The following DPP10 variants were observed in gnomAD, a reference collection of about 807,000 sequenced individuals.
DPP10 encodes inactive dipeptidyl peptidase 10.
DPP10 carries 33 observed loss-of-function variants against 120.9 expected under a neutral mutation model. That is an observed-to-expected ratio of 0.27 (90% CI 0.21 to 0.37). The LOEUF is 0.37. Among genes scored for constraint, DPP10 ranks in the 10% least tolerant of loss-of-function variants. DPP10 has a pLI of 1.00. For synonymous variants in DPP10, 337 were observed against 326.1 expected, an observed-to-expected ratio of 1.03 and a Z score of -0.36; for missense variants, 816 against 942.8, an observed-to-expected ratio of 0.87 and a Z score of 1.76.
At chr2:115,263,797 A>C (rs1379301821) in intron 1 of DPP10, among the ~76,000 whole-genome samples, 1 of 152,220 alleles carries the variant, frequency 6.6e-6, no homozygotes, top group East Asian at 1.9e-4. Flanking sequence ...CCTTATATAC[A>C]TGTTAGATAG....
At chr2:114,466,683 G>A (rs746400109) in intron 1 of DPP10, among the ~76,000 whole-genome samples, 2 of 152,156 alleles carry the variant, frequency 1.3e-5, no homozygotes, top group Non-Finnish European at 2.9e-5. Context: ...AAGCACCAGC[G>A]AATGTGAACC....
chr2:115,098,220 A>G (rs537643313), intron 1 of DPP10, among the ~76,000 whole-genome samples: 2 of 152,274 alleles, frequency 1.3e-5, no homozygotes, highest in South Asian at 4.2e-4. Flanking sequence ...CTTTCAGCCA[A>G]AAACACTCCC....
intron 1 of DPP10, among the ~76,000 whole-genome samples, chr2:115,143,211 T>C (rs1482078693): frequency 6.6e-6 from 1 of 152,140 alleles, no homozygotes; most frequent in Non-Finnish European, 1.5e-5. Flanking sequence ...CTGGCTGAAG[T>C]GGCCCTCGAT....
At chr2:114,629,602 C>A (rs1694769455) in intron 1 of DPP10, among the ~76,000 whole-genome samples, 3 of 152,114 alleles carry the variant, frequency 2.0e-5, no homozygotes, top group African/African-American at 7.2e-5. Flanking sequence ...CATTAAATCT[C>A]ATTTAATTGG....
chr2:114,842,394 T>C (rs1467855993), intron 1 of DPP10, among the ~76,000 whole-genome samples: 1 of 152,072 alleles, frequency 6.6e-6, no homozygotes, highest in African/African-American at 2.4e-5. Context: ...CATATCCTTT[T>C]GGATTTCTTA....
At chr2:115,396,659 G>A (rs1473871665) in intron 3 of DPP10, among the ~76,000 whole-genome samples, 1 of 152,172 alleles carries the variant, frequency 6.6e-6, no homozygotes, top group African/African-American at 2.4e-5. Flanking sequence ...AGCTCCCATT[G>A]TGTTAGCTTT....
At chr2:115,027,468 C>G (rs1014198868) in intron 1 of DPP10, among the ~76,000 whole-genome samples, 3 of 152,112 alleles carry the variant, frequency 2.0e-5, no homozygotes, top group African/African-American at 7.2e-5. Flanking sequence ...TCTCACTTGA[C>G]TTATTTCACC....
At chr2:115,044,185 T>C (rs1704883437) in intron 1 of DPP10, among the ~76,000 whole-genome samples, 1 of 152,068 alleles carries the variant, frequency 6.6e-6, no homozygotes. Context: ...AGAGCTGTAA[T>C]TGACTCACGC....
chr2:114,455,567 A>G (rs1399582257), intron 1 of DPP10, among the ~76,000 whole-genome samples: 1 of 151,984 alleles, frequency 6.6e-6, no homozygotes, highest in East Asian at 1.9e-4. Context: ...AAATGTAAAT[A>G]CAGCTGTAGT....
chr2:115,434,404 A>C (rs1012263820), intron 3 of DPP10, among the ~76,000 whole-genome samples: 6 of 151,978 alleles, frequency 3.9e-5, no homozygotes, highest in African/African-American at 1.4e-4. Flanking sequence ...ACTTGGATGA[A>C]TCAAATTGTT....
chr2:114,512,858 G>A (rs1406784801), intron 1 of DPP10, among the ~76,000 whole-genome samples: 2 of 152,190 alleles, frequency 1.3e-5, no homozygotes, highest in Non-Finnish European at 2.9e-5. Flanking sequence ...CGTTCCTGTT[G>A]AGGAATGCCT....
At chr2:114,928,829 T>C (rs1695836837) in intron 1 of DPP10, among the ~76,000 whole-genome samples, 1 of 152,124 alleles carries the variant, frequency 6.6e-6, no homozygotes, top group African/African-American at 2.4e-5. Flanking sequence ...TAGCACGAGG[T>C]GTATGCTTCC....
chr2:114,905,633 C>A (rs1242980039), intron 1 of DPP10, among the ~76,000 whole-genome samples: 1 of 152,124 alleles, frequency 6.6e-6, no homozygotes, highest in Non-Finnish European at 1.5e-5. Context: ...CTTCTCCCAC[C>A]CTGCACCCTC....
At position 115,780,349 on chromosome 2, in the gene DPP10, G is replaced by A. The variant is rs190882683; in HGVS notation, c.1362-525G>A. Among the ~76,000 whole-genome samples the A allele has an allele frequency of 4.0e-5, 6 of 151,890 alleles. No individual in the cohort carries two copies. The East Asian group carries it at 9.7e-4, about 24-fold the overall frequency. On this transcript the variant is annotated intron_variant, in intron 15 of 25. Transcript: ENST00000410059. ...TACAAATGTAACTTTTTTAAAATCA[G>A]TAATTTTTCTGCAAGTAAATGATGG...
At chr2:114,489,652 T>C (rs1681813669) in intron 1 of DPP10, among the ~76,000 whole-genome samples, 1 of 152,194 alleles carries the variant, frequency 6.6e-6, no homozygotes, top group South Asian at 2.1e-4. Flanking sequence ...ATTGTCTTTT[T>C]TTCCCTGGAG....
intron 2 of DPP10, 100 bp from the exon 3 acceptor site, chr2:115,343,717 G>A: frequency 1.4e-6 from 1 of 708,682 alleles, no homozygotes; most frequent in Non-Finnish European, 2.3e-6. Flanking sequence ...TTGTTATGTA[G>A]TTAATATATT....
intron 3 of DPP10, among the ~76,000 whole-genome samples, chr2:115,379,246 T>C (rs1337770469): frequency 1.3e-5 from 2 of 152,340 alleles, no homozygotes; most frequent in South Asian, 2.1e-4. Flanking sequence ...TATTGGTCTA[T>C]TCAGAGATTC....
At chr2:114,564,461 T>C (rs146020204) in intron 1 of DPP10, among the ~76,000 whole-genome samples, 1 of 152,168 alleles carries the variant, frequency 6.6e-6, no homozygotes, top group African/African-American at 2.4e-5. Flanking sequence ...CTTCCCCCTA[T>C]TTCATATTGA....
At chr2:114,994,740 T>A (rs1700968900) in intron 1 of DPP10, among the ~76,000 whole-genome samples, 1 of 152,118 alleles carries the variant, frequency 6.6e-6, no homozygotes. Context: ...TGCTCTTATC[T>A]CCCCTGGGAG....
Sources: allele counts gnomAD v4.1 joint callset (sites outside exome capture counted in the v4.1 genomes callset), GRCh38; gene constraint gnomAD v4.1.1; transcripts MANE v1.5; gene names NCBI Gene and HGNC (gene_info 2026-07-23, HGNC 2026-07-21).